Variants in TRPM4 observed in about 807,000 individuals in gnomAD.
TRPM4 encodes transient receptor potential cation channel subfamily M member 4, also known as calcium-activated non-selective cation channel 1.
A neutral mutation model predicts 135.6 loss-of-function variants in TRPM4; 124 were observed. The ratio of observed to expected loss-of-function variants is 0.91; its 90% confidence interval spans 0.79 to 1.06. TRPM4 has a LOEUF of 1.06. Ranked by LOEUF, TRPM4 falls within the 50% of genes least tolerant of loss-of-function variation. The pLI, the probability that TRPM4 is intolerant of heterozygous loss-of-function variation, is 0.00. For missense variants in TRPM4, 1,658 were observed against 1,671.4 expected (o/e 0.99, Z 0.14); for synonymous variants, 745 against 705.6 (o/e 1.06, Z -0.88).
chr19:49,158,115 G>A (rs2041550988), intron 1 of TRPM4, 77 bp from the exon 2 acceptor site: 6 of 1,450,060 alleles, frequency 4.1e-6, no homozygotes, highest in Non-Finnish European at 5.8e-6. Flanking sequence ...CACGGGGTGG[G>A]TGGCTCTGTG....
intron 3 of TRPM4, among the ~76,000 whole-genome samples, chr19:49,166,650 C>T (rs1351081625): frequency 6.6e-6 from 1 of 150,538 alleles, no homozygotes; most frequent in East Asian, 2.0e-4. Context: ...CCCCGTCTCT[C>T]CGGGTCTCTG....
At chr19:49,190,069 G>A (rs748919305) in intron 14 of TRPM4, 139 bp from the exon 15 acceptor site, 13 of 770,290 alleles carry the variant, frequency 1.7e-5, no homozygotes, top group Non-Finnish European at 2.7e-5. Context: ...TTTCACCACC[G>A]TTTCCCTACC....
chr19:49,196,960 C>G, intron 17 of TRPM4, 86 bp downstream of exon 17: 8 of 1,351,234 alleles, frequency 5.9e-6, no homozygotes, highest in Non-Finnish European at 8.0e-6. Flanking sequence ...TCCCGGCTTC[C>G]CCGCAGCTGG....
intron 17 of TRPM4, among the ~76,000 whole-genome samples, chr19:49,197,364 C>CTTTCTTTCTTTCTCTCTT (rs1305134354): frequency 2.9e-4 from 21 of 72,700 alleles, no homozygotes; most frequent in African/African-American, 1.1e-3. Context: ...TTCTTTCTTT[C>CTTTCTTTCTTTCTCTCTT]TCTCTCTTTC....
intron 17 of TRPM4, among the ~76,000 whole-genome samples, chr19:49,199,249 TTTGG>T (rs1365875933): frequency 4.6e-5 from 6 of 130,848 alleles, no homozygotes; most frequent in East Asian, 2.1e-4. Context: ...TTGTTTTTTT[TTTGG>T]TTTTTGTTTT....
chr19:49,200,182 G>A, intron 17 of TRPM4, 118 bp from the exon 18 acceptor site: 1 of 1,490,824 alleles, frequency 6.7e-7, no homozygotes, highest in Non-Finnish European at 9.3e-7. Context: ...TGACTGGGAG[G>A]GTCCTGGTCC....
intron 10 of TRPM4, among the ~76,000 whole-genome samples, chr19:49,182,106 A>ATCTC (rs1568470321): frequency 7.7e-6 from 1 of 129,280 alleles, no homozygotes; most frequent in Non-Finnish European, 1.7e-5. Flanking sequence ...CCATCCATCC[A>ATCTC]TCCATCCATC....
rs755499876 is a variant in TRPM4, at chr19:49,181,410, C to T, written c.1212C>T (p.Asn404=). The T allele has an allele frequency of 6.4e-5, 104 of 1,613,910 alleles. No individual in the cohort carries two copies. The highest frequency in any genetic ancestry group is 8.5e-5 in the Non-Finnish European group (100 of 1,180,046). The change falls in exon 10 of 25, where the codon AAC becomes AAT. Residue 404 remains asparagine (N), a synonymous_variant. Coordinates refer to ENST00000252826, the MANE Select transcript of TRPM4 (RefSeq NM_017636.4). ...AGCTGCGTTTGGCTGTGGCTTGGAA[C>T]CGCGTGGACATTGCCCAGAGTGAAC... ...LDELRLAVAW[N]RVDIAQSELF...
chr19:49,206,498 G>A (rs758835616), intron 20 of TRPM4, among the ~76,000 whole-genome samples: 3 of 149,842 alleles, frequency 2.0e-5, no homozygotes, highest in Non-Finnish European at 4.4e-5. Context: ...GGAGTGCAAT[G>A]GCGCGATCTC....
In TRPM4 at chr19:49,211,425, G is replaced by A; in HGVS notation, c.3641-69G>A. 1 of 1,610,972 alleles carries A rather than the reference G, an allele frequency of 6.2e-7. No individual in the cohort carries two copies. The highest frequency in any genetic ancestry group is 1.1e-5 in the South Asian group (1 of 91,052). On this transcript the variant is annotated intron_variant, in intron 24 of 24. Transcript: ENST00000252826. The surrounding 1 kb of genome is among the most constrained non-coding windows in gnomAD (Gnocchi z 4.8). ...CCTTCGTCTTTCTTCTTTTTTGCCAGTCTCCCAGTTTTTCTGTCTCTCCCC... is the reference window on the plus strand; with the variant it reads ...CCTTCGTCTTTCTTCTTTTTTGCCAATCTCCCAGTTTTTCTGTCTCTCCCC...
chr19:49,208,056 C>T (rs946240466), intron 20 of TRPM4, among the ~76,000 whole-genome samples: 2 of 152,092 alleles, frequency 1.3e-5, no homozygotes, highest in Non-Finnish European at 2.9e-5. Flanking sequence ...GTAGCCAAGG[C>T]GGAGAGAGAG....
intron 12 of TRPM4, 122 bp downstream of exon 12, chr19:49,183,334 C>CGTCGCT: frequency 8.1e-7 from 1 of 1,241,418 alleles, no homozygotes; most frequent in Non-Finnish European, 1.2e-6. Flanking sequence ...CCCCATCCTC[C>CGTCGCT]GTCGCTGATA....
intron 10 of TRPM4, 66 bp from the exon 11 acceptor site, chr19:49,182,512 C>A: frequency 7.5e-7 from 1 of 1,339,724 alleles, no homozygotes; most frequent in Non-Finnish European, 1.1e-6. Flanking sequence ...GTCCCTCATA[C>A]CCTTGCCCAT....
intron 16 of TRPM4, among the ~76,000 whole-genome samples, chr19:49,191,394 C>T (rs1225891401): frequency 1.3e-5 from 2 of 151,714 alleles, no homozygotes; most frequent in Non-Finnish European, 2.9e-5. Context: ...AAAGTAGAGT[C>T]GGGATTTCAC....
chr19:49,164,528 G>A (rs1219939177), intron 2 of TRPM4, among the ~76,000 whole-genome samples: 6 of 150,212 alleles, frequency 4.0e-5, no homozygotes, highest in African/African-American at 1.5e-4. Context: ...ACAGGCACCC[G>A]CCACCACGAC....
At chr19:49,196,999 G>A in intron 17 of TRPM4, 125 bp downstream of exon 17, 1 of 919,032 alleles carries the variant, frequency 1.1e-6, no homozygotes, top group Non-Finnish European at 1.6e-6. Flanking sequence ...CCTGCTGATT[G>A]AGAACCCCTC....
chr19:49,197,400 CTTTCT>C (rs1480323193), intron 17 of TRPM4, among the ~76,000 whole-genome samples: 33 of 121,508 alleles, frequency 2.7e-4, no homozygotes, highest in African/African-American at 8.4e-4. Context: ...TTTTCTTTTC[CTTTCT>C]TTTCTTTTTC....
rs1217065278 is a variant in TRPM4, at chr19:49,166,286, G to A, written c.267+71G>A. The A allele has an allele frequency of 6.1e-6, 9 of 1,471,988 alleles. No individual in the cohort carries two copies. In the East Asian group the frequency reaches 1.7e-4, roughly 28 times the overall value. The allele number at this position is 1,471,988 out of a possible 1,614,324, so 91.2% of individuals were successfully genotyped here. A position where few individuals can be genotyped will look rare whatever the true frequency, so the allele number is the denominator to read the frequency against. ...ATGCTCGGGGCTCCAGAGTGGAGCC[G>A]GGACGCCCGCCCTGAACCCTGGCCC... On this transcript the variant is annotated intron_variant, in intron 3 of 24. Coordinates refer to ENST00000252826, the MANE Select transcript of TRPM4 (RefSeq NM_017636.4).
intron 20 of TRPM4, among the ~76,000 whole-genome samples, chr19:49,206,567 G>A (rs1435700352): frequency 6.6e-6 from 1 of 151,790 alleles, no homozygotes; most frequent in Admixed American, 6.6e-5. Flanking sequence ...AGCCTCCTGA[G>A]TAGCTGGGCT....
Sources: gnomAD v4.1 joint callset for allele counts (sites outside exome capture counted in the v4.1 genomes callset) on GRCh38, gnomAD v4.1.1 for gene constraint, Gnocchi (gnomAD v3.1) non-coding constraint, MANE v1.5 for transcripts, NCBI Gene and HGNC (gene_info 2026-07-23, HGNC 2026-07-21) for gene names.